KCNIP2: variants seen among roughly 807,000 people sequenced by gnomAD.
The protein encoded by KCNIP2 is A-type potassium channel modulatory protein KCNIP2.
Under a neutral mutation model 39.0 loss-of-function variants are expected in KCNIP2, and 19 were observed. That is an observed-to-expected ratio of 0.49 (90% CI 0.34 to 0.71). The LOEUF (loss-of-function observed/expected upper bound fraction) is 0.71. KCNIP2 is among the 30% of genes least tolerant of loss of function. The probability of loss-of-function intolerance (pLI) is 0.01; values close to 1 mark genes in which losing one functional copy is unlikely to be tolerated. For synonymous variants in KCNIP2, 111 were observed against 131.2 expected, an observed-to-expected ratio of 0.85 and a Z score of 1.05; for missense variants, 261 against 346.0, an observed-to-expected ratio of 0.75 and a Z score of 1.95.
intron 1 of KCNIP2, among the ~76,000 whole-genome samples, chr10:101,839,010 A>G (rs1038188698): frequency 6.6e-6 from 1 of 152,192 alleles, no homozygotes; most frequent in Non-Finnish European, 1.5e-5. Context: ...TTTCACACCA[A>G]GGTACAACCT....
chr10:101,839,677 T>C, intron 1 of KCNIP2: 5 of 1,349,096 alleles, frequency 3.7e-6, no homozygotes, highest in Non-Finnish European at 5.3e-6. Flanking sequence ...CTTCCCTCCC[T>C]ACCTCTGCGG....
In KCNIP2 at chr10:101,828,835, T is replaced by C; in HGVS notation, c.349-139A>G. 1 of 1,572,996 alleles carries C rather than the reference T, an allele frequency of 6.4e-7. No homozygotes were observed. Among genetic ancestry groups the C allele is most frequent in the Non-Finnish European group, 8.6e-7 (1 of 1,158,958 alleles). ...AGGACTCACCACGTGGCTCATGTGA[T>C]GGGAGGGAAGACTTCTTTCCCAGTG... On this transcript the variant is annotated intron_variant, in intron 4 of 9. Coordinates refer to ENST00000356640, the MANE Select transcript of KCNIP2 (RefSeq NM_173191.3). This position sits in a 1 kb window ranked among gnomAD's most constrained non-coding sequence, Gnocchi z 6.6.
At chr10:101,834,178 T>G in intron 1 of KCNIP2, 1 of 398,160 alleles carries the variant, frequency 2.5e-6, no homozygotes, top group Non-Finnish European at 4.4e-6. Flanking sequence ...CCTGCCCCAG[T>G]CATGAAGACA....
In KCNIP2 at chr10:101,829,896, T is replaced by C. The variant is rs1451895743; in HGVS notation, c.171A>G (p.Thr57=). Residue 57 remains threonine, a splice_region_variant and synonymous_variant, in exon 3 of 10, where the codon ACA becomes ACG. Transcript: ENST00000356640. ...GGCGGAGGGAGGCTGGGGCGGCTAA[T>C]GCTGAAGGGAGCGAACTGTCACCGA... ...GPQALPSVSE[T]LAAPASLRPH... The C allele has an allele frequency of 6.5e-7, 1 of 1,532,126 alleles. No individual in the cohort carries two copies. The highest frequency in any genetic ancestry group is 8.8e-7 in the Non-Finnish European group (1 of 1,141,262). 94.9% of individuals were successfully genotyped at this position (1,532,126 alleles called of 1,614,324 possible).
chr10:101,841,872 T>TTACTACTA (rs1243918548), intron 1 of KCNIP2, among the ~76,000 whole-genome samples: 1 of 152,212 alleles, frequency 6.6e-6, no homozygotes, highest in Non-Finnish European at 1.5e-5. Flanking sequence ...CCCTTACTAC[T>TTACTACTA]CTCAAGAATC....
In KCNIP2 at chr10:101,831,183, A is replaced by G. The variant is rs749249006; in HGVS notation, c.74-16T>C. The G allele has an allele frequency of 3.2e-6, 5 of 1,569,494 alleles. No homozygotes were observed. The South Asian group carries it at 3.5e-5, about 11-fold the overall frequency. On this transcript the variant is annotated splice_polypyrimidine_tract_variant and intron_variant, in intron 1 of 9. Transcript: ENST00000356640. ...GGAGGGTGGCCTGGGAAGAGAGAAG[A>G]CCCCAGGAAGGCACATTAACTCCCA...
intron 1 of KCNIP2, among the ~76,000 whole-genome samples, chr10:101,841,744 C>G (rs1271371553): frequency 6.6e-6 from 1 of 152,194 alleles, no homozygotes; most frequent in African/African-American, 2.4e-5. Context: ...ACAAATGCTT[C>G]CCCCACCCAA....
At chr10:101,839,742 C>T in intron 1 of KCNIP2, 2 of 1,612,446 alleles carry the variant, frequency 1.2e-6, no homozygotes, top group Non-Finnish European at 1.7e-6. Context: ...CCCTTCCCTT[C>T]CTCATCATAC....
At chr10:101,837,262 T>G (rs750895652) in intron 1 of KCNIP2, among the ~76,000 whole-genome samples, 1 of 152,126 alleles carries the variant, frequency 6.6e-6, no homozygotes, top group African/African-American at 2.4e-5. Flanking sequence ...GAGTGAGTGA[T>G]AGTATACCCA....
At position 101,828,622 on chromosome 10, in the gene KCNIP2, C is replaced by T; in HGVS notation, c.418+5G>A. ...ACTGCTTCCCCTTGGGCCTTGTCCC[C>T]TCACCTCCTTGAGGAAAGAACTGGG... On this transcript the variant is annotated splice_donor_5th_base_variant and intron_variant, in intron 5 of 9. Coordinates refer to ENST00000356640, the MANE Select transcript of KCNIP2 (RefSeq NM_173191.3). The surrounding 1 kb of genome is among the most constrained non-coding windows in gnomAD (Gnocchi z 6.6). The T allele has an allele frequency of 6.2e-7, 1 of 1,613,852 alleles. No individual in the cohort carries two copies. Among genetic ancestry groups the T allele is most frequent in the Non-Finnish European group, 8.5e-7 (1 of 1,179,784 alleles).
Position 101,828,257 on chromosome 10 carries a change from T to A in KCNIP2, c.491A>T (p.Asp164Val). Residue 164 changes from aspartate (D) to valine (V), a missense_variant and splice_region_variant, in exon 7 of 10, where the codon GAC (aspartate) becomes GTC (valine). By Grantham distance (152) the Asp-to-Val change is radical. Coordinates refer to ENST00000356640, the MANE Select transcript of KCNIP2 (RefSeq NM_173191.3). This position sits in a 1 kb window ranked among gnomAD's most constrained non-coding sequence, Gnocchi z 6.6. ...AATCACGGACAAACCAGCCACAAAGTCCTGGGAAGGAGGCAGGAGGGAGCT... is the reference window on the plus strand; with the variant it reads ...AATCACGGACAAACCAGCCACAAAGACCTGGGAAGGAGGCAGGAGGGAGCT... ...TNHDGSVSFE[D>V]FVAGLSVILR... The A allele has an allele frequency of 6.2e-7, 1 of 1,614,030 alleles. No homozygotes were observed. The highest frequency in any genetic ancestry group is 8.5e-7 in the Non-Finnish European group (1 of 1,179,966).
rs1455965687 is a variant in KCNIP2, at chr10:101,828,187, C to T, written c.561G>A (p.Leu187=). Residue 187 remains leucine, a synonymous_variant, in exon 7 of 10, where the codon CTG becomes CTA. Transcript: ENST00000356640. The surrounding 1 kb of genome is among the most constrained non-coding windows in gnomAD (Gnocchi z 6.6). ...TGCAGCCGTCCTTGTTAAGGTCATA[C>T]AGGTTGAAGGCCCAATTAAGCCTGT... is the stretch of plus-strand genomic sequence containing the variant. ...VDDRLNWAFN[L]YDLNKDGCIT... 5.0e-6 allele frequency: 8 copies of T among 1,613,988 alleles called. 1 individual carries two copies. In the Middle Eastern group the frequency reaches 6.6e-4, roughly 133 times the overall value.
chr10:101,833,790 C>T (rs1459334044), intron 1 of KCNIP2, among the ~76,000 whole-genome samples: 3 of 152,088 alleles, frequency 2.0e-5, no homozygotes, highest in Non-Finnish European at 2.9e-5. Flanking sequence ...GCCCACACAC[C>T]CCATAAGCTA....
rs768239994 is a variant in KCNIP2 at position 101,829,143 on chromosome 10, C to G, written c.280G>C (p.Glu94Gln). The G allele has an allele frequency of 4.3e-6, 7 of 1,614,076 alleles. No homozygotes were observed. In the Middle Eastern group the frequency reaches 6.6e-4, roughly 152 times the overall value. Residue 94 changes from glutamate to glutamine, a missense_variant, in exon 4 of 10, where the codon GAG (glutamate) becomes CAG (glutamine). Physicochemically the swap from Glu to Gln is conservative, Grantham distance 29. Coordinates refer to ENST00000356640, the MANE Select transcript of KCNIP2 (RefSeq NM_173191.3). ...AATTTGGTTTGCTCCTGCAGCTGCT[C>G]CAGACCCTCAGGCCGGTGACACACG... ...STVCHRPEGLEQLQEQTKFTR... is the reference protein window; with the variant it reads ...STVCHRPEGLQQLQEQTKFTR...
intron 1 of KCNIP2, among the ~76,000 whole-genome samples, chr10:101,835,954 C>A (rs1172299649): frequency 6.6e-6 from 1 of 152,204 alleles, no homozygotes; most frequent in African/African-American, 2.4e-5. Context: ...TCTGACTCAG[C>A]CTTCACTCTA....
chr10:101,828,930 A>T lies in KCNIP2; in HGVS notation c.348+145T>A. The stretch of plus-strand genomic sequence containing the variant: ...ACTTCCGTTCTGGCCCCGCCCCAGA[A>T]CCTCCAGCTAGAAGTTCAGTCTCAG... On this transcript the variant is annotated intron_variant, in intron 4 of 9. Coordinates refer to ENST00000356640, the MANE Select transcript of KCNIP2 (RefSeq NM_173191.3). This position sits in a 1 kb window ranked among gnomAD's most constrained non-coding sequence, Gnocchi z 6.6. The T allele has an allele frequency of 6.7e-7, 1 of 1,486,296 alleles. No homozygotes were observed. Among genetic ancestry groups the T allele is most frequent in the Non-Finnish European group, 9.0e-7 (1 of 1,111,492 alleles). The allele number at this position is 1,486,296 out of a possible 1,614,324, so 92.1% of individuals were successfully genotyped here.
chr10:101,828,585 T>C lies in KCNIP2; in HGVS notation c.418+42A>G. 1 of 1,605,336 alleles carries C rather than the reference T, an allele frequency of 6.2e-7. No individual in the cohort carries two copies. On this transcript the variant is annotated intron_variant, in intron 5 of 9. Transcript: ENST00000356640. This position sits in a 1 kb window ranked among gnomAD's most constrained non-coding sequence, Gnocchi z 6.6. ...TCCAGAATCCCTCCCTCCCTCAGCC[T>C]AGAGAAGGACAACTGCTTCCCCTTG...
chr10:101,826,400 C>T lies in KCNIP2; in HGVS notation c.*953G>A, dbSNP rs950229875. ...CCCTCCTTCCCTCTCCCTTCTAAGG[C>T]ATCCACTGTGGGGAGTGATAGGCCC... On this transcript the variant is annotated 3_prime_UTR_variant, in exon 10 of 10. Transcript: ENST00000356640. 1.3e-5 allele frequency: 2 copies of T among 152,712 alleles called. No homozygotes were observed. The highest frequency in any genetic ancestry group is 4.8e-5 in the African/African-American group (2 of 41,426). 9.5% of individuals were successfully genotyped at this position (152,712 alleles called of 1,614,324 possible). A position where few individuals can be genotyped will look rare whatever the true frequency, so the allele number is the denominator to read the frequency against.
At chr10:101,829,017 G>A in intron 4 of KCNIP2, 58 bp downstream of exon 4, 1 of 1,586,364 alleles carries the variant, frequency 6.3e-7, no homozygotes, top group South Asian at 1.1e-5. Flanking sequence ...GGAAGCTGTG[G>A]ACCGGCTTGG....
Sources: allele counts gnomAD v4.1 joint callset (sites outside exome capture counted in the v4.1 genomes callset), GRCh38; gene constraint gnomAD v4.1.1; non-coding constraint Gnocchi (gnomAD v3.1); transcripts MANE v1.5; gene names NCBI Gene and HGNC (gene_info 2026-07-23, HGNC 2026-07-21).